DAPK2: variants seen among roughly 807,000 people sequenced by gnomAD.
DAPK2 encodes the protein death associated protein kinase 2, also known as death-associated protein kinase 2.
Under a neutral mutation model 44.1 loss-of-function variants are expected in DAPK2, and 35 were observed. The ratio of observed to expected loss-of-function variants is 0.79; its 90% CI spans 0.61 to 1.05. The LOEUF is 1.05. Ranked by LOEUF, DAPK2 falls within the 50% of genes least tolerant of loss-of-function variation. The pLI is 0.00. For synonymous variants in DAPK2, 174 were observed against 182.6 expected (o/e 0.95, Z 0.38); for missense variants, 453 against 483.2 (o/e 0.94, Z 0.59).
In DAPK2 at chr15:63,934,548, C is replaced by T. The variant is rs562195136; in HGVS notation, c.584-4093G>A. Among the ~76,000 whole-genome samples the T allele has an allele frequency of 3.3e-5, 5 of 151,966 alleles. No homozygotes were observed. In the South Asian group the frequency reaches 8.3e-4, roughly 25 times the overall value. On this transcript the variant is annotated intron_variant, in intron 4 of 10. Transcript: ENST00000261891. ...CTGAGATTACAGGTGTGAGCCATGG[C>T]ACCCAGCCTATTGTTTTGTTTTGTG...
chr15:63,994,572 T>C (rs1166521861), intron 1 of DAPK2, among the ~76,000 whole-genome samples: 3 of 147,220 alleles, frequency 2.0e-5, no homozygotes, highest in Non-Finnish European at 4.4e-5. Context: ...CAGCACATAC[T>C]GAAATCTTTT....
chr15:63,993,935 G>A (rs72752994), intron 1 of DAPK2, among the ~76,000 whole-genome samples: 8,433 of 151,980 alleles, frequency 0.055, 325 homozygotes, highest in Admixed American at 0.12. Flanking sequence ...GTTTCCTACC[G>A]CACAGGGCCC....
At chr15:63,941,353 C>A (rs116270868) in intron 3 of DAPK2, among the ~76,000 whole-genome samples, 20 of 152,212 alleles carry the variant, frequency 1.3e-4, no homozygotes, top group Admixed American at 3.9e-4. Context: ...GGCATGCTTT[C>A]TCTTGTCCAG....
Position 63,917,376 on chromosome 15 carries a change from A to AT in DAPK2, c.859-5180_859-5179insA, listed in dbSNP as rs397789308. The AT allele has an allele frequency of 6.6e-6, 1 of 151,584 alleles. No individual in the cohort carries two copies. The highest frequency in any genetic ancestry group is 1.5e-5 in the Non-Finnish European group (1 of 67,878). The allele number at this position is 151,584 out of a possible 1,614,324, so 9.4% of individuals were successfully genotyped here. A position where few individuals can be genotyped will look rare whatever the true frequency, so the allele number is the denominator to read the frequency against. On this transcript the variant is annotated intron_variant, in intron 8 of 10. Transcript: ENST00000261891. The surrounding 1 kb of genome is among the most constrained non-coding windows in gnomAD (Gnocchi z 4.4). ...GAAACTCTGTCTCAAAAAAAAAAAA[A>AT]GAAAAAAAGAAGAAGAAAATCCTTA...
At chr15:63,992,899 GC>G (rs1347562126) in intron 1 of DAPK2, among the ~76,000 whole-genome samples, 1 of 152,236 alleles carries the variant, frequency 6.6e-6, no homozygotes, top group Non-Finnish European at 1.5e-5. Context: ...CCTGGGCAAA[GC>G]CCAGGAGACA....
intron 3 of DAPK2, among the ~76,000 whole-genome samples, chr15:63,959,474 C>T (rs1172028020): frequency 2.0e-5 from 3 of 152,108 alleles, no homozygotes; most frequent in East Asian, 1.9e-4. Context: ...CCATTCATTA[C>T]GATATTGACT....
At chr15:63,935,240 G>A (rs1012328228) in intron 4 of DAPK2, among the ~76,000 whole-genome samples, 5 of 151,828 alleles carry the variant, frequency 3.3e-5, no homozygotes, top group East Asian at 1.9e-4. Context: ...ACAAGCGTGC[G>A]CCACCATGCC....
chr15:63,913,397 A>T (rs1199030418), intron 8 of DAPK2, among the ~76,000 whole-genome samples: 2 of 152,198 alleles, frequency 1.3e-5, no homozygotes, highest in Non-Finnish European at 2.9e-5. Flanking sequence ...GTATGTACAG[A>T]CATGCATTTC....
chr15:63,952,350 T>G (rs2077612365), intron 3 of DAPK2, among the ~76,000 whole-genome samples: 1 of 152,188 alleles, frequency 6.6e-6, no homozygotes, highest in Non-Finnish European at 1.5e-5. Context: ...CCGGAGGAAA[T>G]GGCAATTCTG....
chr15:63,908,500 G>T lies in DAPK2; in HGVS notation c.*20C>A, dbSNP rs773967458. 8 of 1,547,650 alleles carry T rather than the reference G, an allele frequency of 5.2e-6. No individual in the cohort carries two copies. The East Asian group carries it at 1.9e-4, about 36-fold the overall frequency. ...CCGCTGGGCCCAGACCTCCCTGGCG[G>T]CCACTGCAGGTCAGGCCAGTTAGGA... is the stretch of plus-strand genomic sequence containing the variant. On this transcript the variant is annotated 3_prime_UTR_variant, in exon 11 of 11. Coordinates refer to ENST00000261891, the Ensembl canonical transcript of DAPK2. This position sits in a 1 kb window ranked among gnomAD's most constrained non-coding sequence, Gnocchi z 5.7.
At chr15:63,944,030 G>T (rs1391129163) in intron 3 of DAPK2, among the ~76,000 whole-genome samples, 2 of 152,168 alleles carry the variant, frequency 1.3e-5, no homozygotes, top group Admixed American at 6.5e-5. Context: ...TTCTGGTGAT[G>T]CTTCCATGCA....
At chr15:63,946,531 C>T (rs757988658) in intron 3 of DAPK2, among the ~76,000 whole-genome samples, 2 of 152,196 alleles carry the variant, frequency 1.3e-5, no homozygotes, top group Non-Finnish European at 2.9e-5. Flanking sequence ...AGGAGCAGCA[C>T]CCAATGAGAT....
At chr15:63,956,240 CT>C (rs1430628189) in intron 3 of DAPK2, among the ~76,000 whole-genome samples, 1 of 152,086 alleles carries the variant, frequency 6.6e-6, no homozygotes, top group Non-Finnish European at 1.5e-5. Context: ...AAAAAACCAA[CT>C]TTTTTGTTTC....
At chr15:63,968,035 GA>G (rs1437568200) in intron 3 of DAPK2, among the ~76,000 whole-genome samples, 10 of 152,204 alleles carry the variant, frequency 6.6e-5, no homozygotes, top group African/African-American at 2.4e-4. Context: ...CCATCATGGA[GA>G]ATGAAAATCA....
intron 3 of DAPK2, among the ~76,000 whole-genome samples, chr15:63,948,463 C>T (rs114948096): frequency 0.081 from 12,310 of 151,682 alleles, 694 homozygotes; most frequent in African/African-American, 0.16. Flanking sequence ...GGAGGTGCCT[C>T]ACACTTTTAA....
rs1477485541 is a variant in DAPK2 at position 63,917,584 on chromosome 15, G to A, written c.859-5387C>T. The A allele has an allele frequency of 1.3e-5, 2 of 152,048 alleles. No homozygotes were observed. Among genetic ancestry groups the A allele is most frequent in the Non-Finnish European group, 2.9e-5 (2 of 68,034 alleles). The allele number at this position is 152,048 out of a possible 1,614,324, so 9.4% of individuals were successfully genotyped here. ...TTCCTTATACTTCTGTGCAAGTTTT[G>A]GCAATTTTCCTGCTGAGGGGACCAT... On this transcript the variant is annotated intron_variant, in intron 8 of 10. Coordinates refer to ENST00000261891, the Ensembl canonical transcript of DAPK2. The surrounding 1 kb of genome is among the most constrained non-coding windows in gnomAD (Gnocchi z 4.4).
intron 3 of DAPK2, among the ~76,000 whole-genome samples, chr15:63,957,286 A>T (rs1328512482): frequency 6.6e-6 from 1 of 151,176 alleles, no homozygotes; most frequent in Non-Finnish European, 1.5e-5. Flanking sequence ...TCATCCCTTT[A>T]CTTTTAGTCT....
intron 3 of DAPK2, among the ~76,000 whole-genome samples, chr15:63,950,075 C>T (rs1270049627): frequency 6.6e-6 from 1 of 152,214 alleles, no homozygotes; most frequent in Non-Finnish European, 1.5e-5. Context: ...TCTACCAAGT[C>T]TTACCTCCAC....
At chr15:64,033,127 G>A (rs1053113629) in intron 1 of DAPK2, among the ~76,000 whole-genome samples, 5 of 151,886 alleles carry the variant, frequency 3.3e-5, no homozygotes, top group African/African-American at 1.2e-4. Context: ...GGGCATGGTG[G>A]CACATGCCTG....
Sources: allele counts gnomAD v4.1 joint callset (sites outside exome capture counted in the v4.1 genomes callset), GRCh38; gene constraint gnomAD v4.1.1; non-coding constraint Gnocchi (gnomAD v3.1); transcripts MANE v1.5; gene names NCBI Gene and HGNC (gene_info 2026-07-23, HGNC 2026-07-21).